PSD3: variants seen among roughly 807,000 people sequenced by gnomAD.
The protein encoded by PSD3 is PH and SEC7 domain-containing protein 3.
Under a neutral mutation model 105.5 loss-of-function variants are expected in PSD3, and 49 were observed. That is an observed-to-expected ratio of 0.46 (90% confidence interval 0.37 to 0.59). PSD3 has a LOEUF of 0.59. Among genes scored for constraint, PSD3 ranks in the 20% least tolerant of loss-of-function variants. The pLI is 0.00. For synonymous variants in PSD3, 557 were observed against 457.8 expected (o/e 1.22, Z -2.77); for missense variants, 1,561 against 1,263.8 (o/e 1.24, Z -3.57).
chr8:19,077,506 A>G (rs1829497342), intron 1 of PSD3, among the ~76,000 whole-genome samples: 1 of 152,228 alleles, frequency 6.6e-6, no homozygotes. Context: ...CCCTGCCATT[A>G]TCTGACAACG....
chr8:18,953,746 C>CAAAAA (rs199529691), intron 1 of PSD3, among the ~76,000 whole-genome samples: 2 of 146,436 alleles, frequency 1.4e-5, no homozygotes, highest in African/African-American at 5.0e-5. Flanking sequence ...GACTCCATCT[C>CAAAAA]AAAAAAGAAA....
chr8:18,792,255 T>TA (rs1809791823), intron 8 of PSD3, among the ~76,000 whole-genome samples: 1 of 152,116 alleles, frequency 6.6e-6, no homozygotes, highest in South Asian at 2.1e-4. Context: ...GTTATAAAGA[T>TA]ACATGCATGC....
chr8:18,868,779 A>G (rs1817130860), intron 3 of PSD3, among the ~76,000 whole-genome samples: 1 of 152,208 alleles, frequency 6.6e-6, no homozygotes, highest in South Asian at 2.1e-4. Context: ...ATTAAAAACG[A>G]ACATTAGGAT....
chr8:18,610,087 A>G (rs2130637857), intron 11 of PSD3, among the ~76,000 whole-genome samples: 1 of 152,258 alleles, frequency 6.6e-6, no homozygotes, highest in Admixed American at 6.5e-5. Flanking sequence ...CACATTACAA[A>G]AAAAATCACT....
chr8:18,562,332 G>C (rs1801445181), intron 14 of PSD3, among the ~76,000 whole-genome samples: 1 of 152,182 alleles, frequency 6.6e-6, no homozygotes, highest in Admixed American at 6.5e-5. Context: ...TCAAGTAATT[G>C]CTCCAGTTCA....
At chr8:19,055,998 A>G (rs555697908) in intron 1 of PSD3, among the ~76,000 whole-genome samples, 1 of 152,340 alleles carries the variant, frequency 6.6e-6, no homozygotes, top group South Asian at 2.1e-4. Flanking sequence ...ATTCTGCTGT[A>G]ACATAACTCT....
chr8:18,872,512 G>A lies in PSD3; in HGVS notation c.352C>T (p.Pro118Ser), dbSNP rs749380959. ...TGTTCCTTGAGATGACTTTGAGAGG[G>A]GGCCTCTCTGACATCTTTTGGTCCT... ...TEGPKDVREAPSQSHLKEQSL... is the reference protein window; with the variant it reads ...TEGPKDVREASSQSHLKEQSL... The change falls in exon 3 of 16, where the codon CCC becomes TCC. Residue 118 changes from proline (P) to serine (S), a missense_variant. Transcript: ENST00000327040. 11 of 1,613,942 alleles carry A rather than the reference G, an allele frequency of 6.8e-6. No individual in the cohort carries two copies. Among genetic ancestry groups the A allele is most frequent in the Admixed American group, 6.7e-5 (4 of 59,986 alleles).
intron 9 of PSD3, among the ~76,000 whole-genome samples, chr8:18,755,443 A>ATAACATAACG (rs1554490339): frequency 1.3e-5 from 2 of 149,372 alleles, no homozygotes; most frequent in African/African-American, 4.9e-5. Flanking sequence ...ATAACATAAC[A>ATAACATAACG]TAACATAACA....
chr8:19,019,963 G>A (rs1482697812), intron 1 of PSD3, among the ~76,000 whole-genome samples: 2 of 152,230 alleles, frequency 1.3e-5, no homozygotes, highest in Non-Finnish European at 2.9e-5. Flanking sequence ...AGGGTGGTCC[G>A]GGGCATAGGG....
chr8:18,755,473 A>ATAACG (rs1367566022), intron 9 of PSD3, among the ~76,000 whole-genome samples: 1 of 151,974 alleles, frequency 6.6e-6, no homozygotes, highest in Non-Finnish European at 1.5e-5. Flanking sequence ...ATAACATAAC[A>ATAACG]TAACATAACA....
chr8:18,667,995 C>T (rs1318523984), intron 9 of PSD3, among the ~76,000 whole-genome samples: 2 of 152,256 alleles, frequency 1.3e-5, no homozygotes, highest in South Asian at 2.1e-4. Context: ...CCCGCGGAAG[C>T]CACACCCACC....
chr8:18,872,712 A>C lies in PSD3; in HGVS notation c.152T>G (p.Leu51Ter). ...TTCATTTGTGACATTTGGTGGGAGT[A>C]AAGTGCTTCCTCCATGATCACCTGT... ...PDTSDHGGST[L>*]LPPNVTNEFP... is the part of the protein sequence containing the mutation. The change falls in exon 3 of 16, where the codon TTA (leucine) becomes TGA (stop). Residue 51 changes from leucine (L) to a stop codon, truncating the protein, a stop_gained. Transcript: ENST00000327040. LOFTEE classifies it high-confidence loss of function. The C allele has an allele frequency of 6.4e-7, 1 of 1,568,648 alleles. No homozygotes were observed. The highest frequency in any genetic ancestry group is 1.9e-5 in the Admixed American group (1 of 52,334).
intron 2 of PSD3, among the ~76,000 whole-genome samples, chr8:18,932,499 C>T (rs1005494275): frequency 3.3e-5 from 5 of 152,224 alleles, no homozygotes; most frequent in African/African-American, 1.2e-4. Context: ...CATCAAATAA[C>T]TTCCAATTAC....
At chr8:18,591,341 A>T (rs970103646) in intron 12 of PSD3, among the ~76,000 whole-genome samples, 4 of 152,140 alleles carry the variant, frequency 2.6e-5, no homozygotes. Flanking sequence ...TTCAATTGGA[A>T]TACTGAGGGA....
chr8:18,694,143 G>A (rs566358383), intron 9 of PSD3, among the ~76,000 whole-genome samples: 2 of 152,274 alleles, frequency 1.3e-5, no homozygotes, highest in Admixed American at 1.3e-4. Context: ...ACTCAAGCCT[G>A]AGGCACCACA....
At chr8:18,631,235 T>C (rs1041957318) in intron 11 of PSD3, among the ~76,000 whole-genome samples, 5 of 152,018 alleles carry the variant, frequency 3.3e-5, no homozygotes, top group African/African-American at 1.2e-4. Context: ...AGGGTGTGTC[T>C]GCACACTGGA....
Position 18,606,841 on chromosome 8 carries a change from C to T in PSD3, c.2411-6407G>A, listed in dbSNP as rs555891988. Among the ~76,000 whole-genome samples the T allele has an allele frequency of 3.3e-5, 5 of 152,276 alleles. No individual in the cohort carries two copies. The South Asian group carries it at 8.3e-4, about 25-fold the overall frequency. On this transcript the variant is annotated intron_variant, in intron 11 of 15. Coordinates refer to ENST00000327040, the MANE Select transcript of PSD3 (RefSeq NM_015310.4). Reference sequence around the variant, plus strand: ...TGCAGCACTCTGAGTGTTGGGCTAACGTTATACCTATACGTTCTATGTGTT... The same window carrying T: ...TGCAGCACTCTGAGTGTTGGGCTAATGTTATACCTATACGTTCTATGTGTT...
intron 2 of PSD3, among the ~76,000 whole-genome samples, chr8:18,934,335 G>A (rs1218936598): frequency 6.6e-6 from 1 of 152,226 alleles, no homozygotes; most frequent in Non-Finnish European, 1.5e-5. Flanking sequence ...GGGATATGAT[G>A]ATGATGGTGA....
chr8:18,830,929 C>T (rs1252275124), intron 4 of PSD3, among the ~76,000 whole-genome samples: 2 of 152,158 alleles, frequency 1.3e-5, no homozygotes, highest in Admixed American at 1.3e-4. Context: ...AAGGAGCTTC[C>T]CTGAAACCAT....
Sources: allele counts gnomAD v4.1 joint callset (sites outside exome capture counted in the v4.1 genomes callset), GRCh38; gene constraint gnomAD v4.1.1; transcripts MANE v1.5; gene names NCBI Gene and HGNC (gene_info 2026-07-23, HGNC 2026-07-21).